Variants in CACNG7 observed in about 807,000 individuals in gnomAD.
The protein encoded by CACNG7 is calcium voltage-gated channel auxiliary subunit gamma 7, also known as voltage-dependent calcium channel gamma-7 subunit.
A neutral mutation model predicts 26.3 loss-of-function variants in CACNG7; 9 were observed. That is an observed-to-expected ratio of 0.34 (90% CI 0.21 to 0.60). CACNG7 has a LOEUF of 0.60. Among genes scored for constraint, CACNG7 ranks in the 20% least tolerant of loss-of-function variants. CACNG7 has a pLI of 0.81. For synonymous variants in CACNG7, 170 were observed against 157.0 expected (o/e 1.08, Z -0.62); for missense variants, 297 against 380.4 (o/e 0.78, Z 1.82).
At chr19:53,920,880 A>G (rs2068941615) in intron 4 of CACNG7, among the ~76,000 whole-genome samples, 1 of 98,174 alleles carries the variant, frequency 1.0e-5, no homozygotes, top group African/African-American at 4.8e-5. Flanking sequence ...TCATTGGTGG[A>G]GTTGTCCCAG....
Position 53,940,712 on chromosome 19 carries a change from T to A in CACNG7, c.425-758T>A, listed in dbSNP as rs556763265. ...CTCTATTTTCCCTCCTTCCGAAACC[T>A]TTGCCCATGCTGTGCACTCTGCCAG... On this transcript the variant is annotated intron_variant, in intron 4 of 5. Coordinates refer to ENST00000391767, the MANE Select transcript of CACNG7 (RefSeq NM_031896.5). This position sits in a 1 kb window ranked among gnomAD's most constrained non-coding sequence, Gnocchi z 4.1. Among the ~76,000 whole-genome samples, 4 of 152,198 alleles carry A rather than the reference T, an allele frequency of 2.6e-5. No homozygotes were observed. The highest frequency in any genetic ancestry group is 9.6e-5 in the African/African-American group (4 of 41,538).
At position 53,924,261 on chromosome 19, in the gene CACNG7, G is replaced by T. The variant is rs541488663; in HGVS notation, c.424+8756G>T. The stretch of plus-strand genomic sequence containing the variant: ...CTGGTCATTGGTGGAGTTGCCCCAG[G>T]TCTGGTCATTGGTGGACTTTCCCCA... On this transcript the variant is annotated intron_variant, in intron 4 of 5. Transcript: ENST00000391767. Among the ~76,000 whole-genome samples the T allele has an allele frequency of 5.4e-3, 790 of 146,188 alleles. 16 individuals are homozygous for T. The highest frequency in any genetic ancestry group is 0.019 in the African/African-American group (727 of 38,756).
At chr19:53,915,326 T>G in intron 3 of CACNG7, 39 bp from the exon 4 acceptor site, 1 of 1,495,320 alleles carries the variant, frequency 6.7e-7, no homozygotes, top group Non-Finnish European at 9.3e-7. Flanking sequence ...CCACTGGAGA[T>G]TCCCCCCTCA....
chr19:53,915,539 A>ATTTCCAG, intron 4 of CACNG7, 34 bp downstream of exon 4: 1 of 1,610,764 alleles, frequency 6.2e-7, no homozygotes, highest in Admixed American at 1.7e-5. Context: ...GGGGGGGACC[A>ATTTCCAG]TTTCCAGTTC....
chr19:53,927,762 C>T (rs7250847), intron 4 of CACNG7, among the ~76,000 whole-genome samples: 39,372 of 150,434 alleles, frequency 0.26, 8,997 homozygotes, highest in African/African-American at 0.62. Context: ...CGCTTGAACC[C>T]GGGAGGCGGA....
chr19:53,942,042 G>A lies in CACNG7; in HGVS notation c.577G>A (p.Gly193Ser), dbSNP rs557816848. 1.3e-6 allele frequency: 2 copies of A among 1,590,638 alleles called. No individual in the cohort carries two copies. The highest frequency in any genetic ancestry group is 1.7e-6 in the Non-Finnish European group (2 of 1,163,702). The stretch of plus-strand genomic sequence containing the variant: ...TGACCTTGCCTTGCCGCAGGGGGCC[G>A]GCGTGATGTCCGTGTACCTGTTCAC... ...ASSFLLKEGA[G>S]VMSVYLFTKR... is the part of the protein sequence containing the mutation. The change falls in exon 6 of 6, where the codon GGC (glycine) becomes AGC (serine). Residue 193 changes from glycine (G) to serine (S), a missense_variant. By Grantham distance (56) the Gly-to-Ser change is moderately conservative. Transcript: ENST00000391767. The surrounding 1 kb of genome is among the most constrained non-coding windows in gnomAD (Gnocchi z 5.9).
chr19:53,942,364 G>C lies in CACNG7; in HGVS notation c.*71G>C, dbSNP rs1234069775. On this transcript the variant is annotated 3_prime_UTR_variant, in exon 6 of 6. Transcript: ENST00000391767. The surrounding 1 kb of genome is among the most constrained non-coding windows in gnomAD (Gnocchi z 5.9). ...TAGGGGGGTCTCCCTGCAATGCAGC[G>C]CCCCCTTCCGTCCTCGGGACTCCTC... 3.2e-6 allele frequency: 5 copies of C among 1,540,614 alleles called. No homozygotes were observed. Among genetic ancestry groups the C allele is most frequent in the Non-Finnish European group, 4.4e-6 (5 of 1,144,246 alleles).
chr19:53,942,273 A>G lies in CACNG7; in HGVS notation c.808A>G (p.Ile270Val). 1.9e-6 allele frequency: 3 copies of G among 1,612,280 alleles called. No individual in the cohort carries two copies. The highest frequency in any genetic ancestry group is 2.5e-6 in the Non-Finnish European group (3 of 1,179,454). The change falls in exon 6 of 6, where the codon ATC (isoleucine) becomes GTC (valine). Residue 270 changes from isoleucine to valine, a missense_variant. By Grantham distance (29) the Ile-to-Val change is conservative. Coordinates refer to ENST00000391767, the MANE Select transcript of CACNG7 (RefSeq NM_031896.5). The surrounding 1 kb of genome is among the most constrained non-coding windows in gnomAD (Gnocchi z 5.9). ...PAIKYPDHLHISTSPC is the reference protein window; with the variant it reads ...PAIKYPDHLHVSTSPC ...CATCAAGTACCCGGACCACCTGCAC[A>G]TCTCCACCTCGCCCTGCTGAGGCCC...
intron 4 of CACNG7, among the ~76,000 whole-genome samples, chr19:53,925,484 G>A (rs929088217): frequency 8.6e-6 from 1 of 116,684 alleles, no homozygotes; most frequent in Non-Finnish European, 1.7e-5. Flanking sequence ...GTTGCCCCAG[G>A]CTGGTCATTG....
chr19:53,913,160 T>G lies in CACNG7; in HGVS notation c.196+133T>G, dbSNP rs1033073918. The G allele has an allele frequency of 7.6e-6, 6 of 785,874 alleles. No homozygotes were observed. The African/African-American group carries it at 1.0e-4, about 14-fold the overall frequency. The allele number at this position is 785,874 out of a possible 1,614,324, so 48.7% of individuals were successfully genotyped here. A position where few individuals can be genotyped will look rare whatever the true frequency, so the allele number is the denominator to read the frequency against. On this transcript the variant is annotated intron_variant, in intron 2 of 5. Transcript: ENST00000391767. The stretch of plus-strand genomic sequence containing the variant: ...TGATTCTCTCCTGGAAGTTCAAATT[T>G]CTACGTGGAGCCCCAGTGACTAGCC...
intron 4 of CACNG7, among the ~76,000 whole-genome samples, chr19:53,924,399 C>CCTGGTCATTGGTGGAGTTGCCCCAGGT (rs1214316920): frequency 6.2e-5 from 7 of 113,814 alleles, no homozygotes; most frequent in Non-Finnish European, 9.0e-5. Flanking sequence ...TGTCCCCAGG[C>CCTGGTCATTGGTGGAGTTGCCCCAGGT]CTGGTCATTG....
intron 4 of CACNG7, among the ~76,000 whole-genome samples, chr19:53,930,828 A>G (rs1052822823): frequency 5.3e-5 from 8 of 152,062 alleles, no homozygotes; most frequent in Non-Finnish European, 8.8e-5. Context: ...TAAACACACC[A>G]CACACAGATT....
At position 53,925,892 on chromosome 19, in the gene CACNG7, A is replaced by G. The variant is rs558918296; in HGVS notation, c.424+10387A>G. ...TTGATGGAAGAATCAATAGAATCAGATGACTGACTGGATGTGGTTGGTAGA... is the reference window on the plus strand; with the variant it reads ...TTGATGGAAGAATCAATAGAATCAGGTGACTGACTGGATGTGGTTGGTAGA... On this transcript the variant is annotated intron_variant, in intron 4 of 5. Coordinates refer to ENST00000391767, the MANE Select transcript of CACNG7 (RefSeq NM_031896.5). Among the ~76,000 whole-genome samples the G allele has an allele frequency of 2.0e-5, 3 of 152,330 alleles. No homozygotes were observed. The East Asian group carries it at 5.8e-4, about 29-fold the overall frequency.
At position 53,942,648 on chromosome 19, in the gene CACNG7, A is replaced by G. The variant is rs1250858387; in HGVS notation, c.*355A>G. 2.1e-6 allele frequency: 2 copies of G among 958,082 alleles called. No individual in the cohort carries two copies. The highest frequency in any genetic ancestry group is 1.7e-5 in the African/African-American group (1 of 58,854). 59.3% of individuals were successfully genotyped at this position (958,082 alleles called of 1,614,324 possible). A position where few individuals can be genotyped will look rare whatever the true frequency, so the allele number is the denominator to read the frequency against. On this transcript the variant is annotated 3_prime_UTR_variant, in exon 6 of 6. Coordinates refer to ENST00000391767, the MANE Select transcript of CACNG7 (RefSeq NM_031896.5). The surrounding 1 kb of genome is among the most constrained non-coding windows in gnomAD (Gnocchi z 5.9). ...GCAGCCAGAGGCGGTGCAAGCGCCCAGCTCCCCAGAGCTCCCCAACCTCGG... is the reference window on the plus strand; with the variant it reads ...GCAGCCAGAGGCGGTGCAAGCGCCCGGCTCCCCAGAGCTCCCCAACCTCGG...
intron 5 of CACNG7, 72 bp from the exon 6 acceptor site, chr19:53,941,964 G>C (rs1471247144): frequency 2.0e-5 from 29 of 1,481,438 alleles, no homozygotes; most frequent in Non-Finnish European, 2.3e-5. Context: ...GTCCTGGAGT[G>C]AGAGGAGATG....
rs1206722160 is a variant in CACNG7, at chr19:53,914,280, AAAAAAAAG to A, written c.197-206_197-199del. 8.9e-4 allele frequency among the ~76,000 whole-genome samples: 124 copies of A among 138,752 alleles called. 2 individuals carry two copies. The highest frequency in any genetic ancestry group is 3.1e-4 in the Non-Finnish European group (20 of 64,598). The allele number at this position is 138,752 out of a possible 152,430, so 91.0% of individuals were successfully genotyped here. On this transcript the variant is annotated intron_variant, in intron 2 of 5. Coordinates refer to ENST00000391767, the MANE Select transcript of CACNG7 (RefSeq NM_031896.5). ...CAGAGTGAGACTCCATCTCAAAAAA[AAAAAAAAG>A]AAAAAAAGAAAAAGAAAAGAAAGAG...
At chr19:53,911,366 T>C (rs1484366182) in intron 1 of CACNG7, among the ~76,000 whole-genome samples, 1 of 152,094 alleles carries the variant, frequency 6.6e-6, no homozygotes, top group Non-Finnish European at 1.5e-5. Flanking sequence ...TCACCCAGTC[T>C]CAGCTCCTGA....
intron 4 of CACNG7, among the ~76,000 whole-genome samples, chr19:53,934,561 G>A (rs1004300898): frequency 6.6e-6 from 1 of 151,866 alleles, no homozygotes. Context: ...GATTGCTTGA[G>A]CCTAAGAGTT....
Position 53,942,489 on chromosome 19 carries a change from C to T in CACNG7, c.*196C>T. The T allele has an allele frequency of 7.0e-7, 1 of 1,428,902 alleles. No individual in the cohort carries two copies. The highest frequency in any genetic ancestry group is 9.1e-7 in the Non-Finnish European group (1 of 1,096,012). The allele number at this position is 1,428,902 out of a possible 1,614,324, so 88.5% of individuals were successfully genotyped here. A position where few individuals can be genotyped will look rare whatever the true frequency, so the allele number is the denominator to read the frequency against. On this transcript the variant is annotated 3_prime_UTR_variant, in exon 6 of 6. Transcript: ENST00000391767. This position sits in a 1 kb window ranked among gnomAD's most constrained non-coding sequence, Gnocchi z 5.9. ...ATTTCAATGGCCGCGCCCTCTTTTC[C>T]CGACCTCTCCTTTTCATTGGTCCCT...
Sources: gnomAD v4.1 joint callset for allele counts (sites outside exome capture counted in the v4.1 genomes callset) on GRCh38, gnomAD v4.1.1 for gene constraint, Gnocchi (gnomAD v3.1) non-coding constraint, MANE v1.5 for transcripts, NCBI Gene and HGNC (gene_info 2026-07-23, HGNC 2026-07-21) for gene names.